ASCC3: variants seen among roughly 807,000 people sequenced by gnomAD.
ASCC3 encodes activating signal cointegrator 1 complex subunit 3, also known as ASC-1 complex subunit P200.
In ASCC3, 158 loss-of-function variants were observed where a neutral mutation model predicts 256.3. The observed-to-expected ratio is 0.62, with a 90% CI of 0.54 to 0.70. ASCC3 has a LOEUF of 0.70. Among genes scored for constraint, ASCC3 ranks in the 30% least tolerant of loss-of-function variants. ASCC3 has a pLI of 0.00. For synonymous variants in ASCC3, 948 were observed against 883.4 expected (o/e 1.07, Z -1.30); for missense variants, 2,259 against 2,626.0 (o/e 0.86, Z 3.05).
chr6:100,662,679 T>A, intron 14 of ASCC3, 143 bp from the exon 15 acceptor site: 1 of 692,148 alleles, frequency 1.4e-6, no homozygotes, highest in Non-Finnish European at 2.4e-6. Flanking sequence ...TATATAATGC[T>A]TTATATAAAA....
chr6:100,875,100 C>T (rs9498414), intron 1 of ASCC3, among the ~76,000 whole-genome samples: 19,083 of 152,046 alleles, frequency 0.13, 2,148 homozygotes, highest in East Asian at 0.46. Flanking sequence ...AAGGTGGGGT[C>T]AAACAGGACA....
intron 7 of ASCC3, 101 bp downstream of exon 7, chr6:100,799,330 A>C: frequency 2.3e-6 from 3 of 1,308,862 alleles, no homozygotes; most frequent in Non-Finnish European, 3.2e-6. Context: ...AATTTAGCAT[A>C]GTCAACTAGT....
chr6:100,815,851 A>G (rs1455482375), intron 4 of ASCC3, among the ~76,000 whole-genome samples: 1 of 152,178 alleles, frequency 6.6e-6, no homozygotes, highest in Admixed American at 6.5e-5. Flanking sequence ...TATTCTGAAC[A>G]TAAGAATGAG....
Position 100,606,608 on chromosome 6 carries a change from T to C in ASCC3, c.5044+132A>G, listed in dbSNP as rs1473938605. The C allele has an allele frequency of 1.6e-5, 16 of 1,006,866 alleles. No individual in the cohort carries two copies. In the East Asian group the frequency reaches 3.8e-4, roughly 24 times the overall value. 62.4% of individuals were successfully genotyped at this position (1,006,866 alleles called of 1,614,324 possible). ...TAACTGAAAACAAAAAGTCTATAAT[T>C]GCTTATCATCTGTTTAAATGTGACC... On this transcript the variant is annotated intron_variant, in intron 32 of 41. Coordinates refer to ENST00000369162, the MANE Select transcript of ASCC3 (RefSeq NM_006828.4).
chr6:100,540,248 G>A lies in ASCC3; in HGVS notation c.5690C>T (p.Ala1897Val). ...PHTKAHLLLQ[A>V]HLSRAMLPCP... The stretch of plus-strand genomic sequence containing the variant: ...GGGTAGCATGGCTCGGCTGAGATGT[G>A]CCTGTAGCAGGAGATGTGCTTTGGT... Residue 1897 changes from alanine to valine, a missense_variant, in exon 37 of 42, where the codon GCA becomes GTA. Ala to Val is a moderately conservative substitution (Grantham distance 64). Around this residue, in one of 2 missense-constraint regions of ASCC3, gnomAD observed 1,839 missense variants for 2,206.7 expected, o/e 0.83. Coordinates refer to ENST00000369162, the MANE Select transcript of ASCC3 (RefSeq NM_006828.4). 1 of 1,614,110 alleles carries A rather than the reference G, an allele frequency of 6.2e-7. No homozygotes were observed. The highest frequency in any genetic ancestry group is 8.5e-7 in the Non-Finnish European group (1 of 1,180,006).
intron 8 of ASCC3, among the ~76,000 whole-genome samples, chr6:100,791,935 C>CA (rs35558576): frequency 6.6e-6 from 1 of 151,418 alleles, no homozygotes; most frequent in Non-Finnish European, 1.5e-5. Flanking sequence ...GAGGAAAAGC[C>CA]AAAAAAATGA....
At chr6:100,841,168 G>A (rs928465874) in intron 4 of ASCC3, among the ~76,000 whole-genome samples, 19 of 152,088 alleles carry the variant, frequency 1.2e-4, no homozygotes, top group Non-Finnish European at 8.8e-5. Flanking sequence ...ACAGAAAAGA[G>A]CGGAACAAAA....
intron 4 of ASCC3, among the ~76,000 whole-genome samples, chr6:100,843,080 G>A (rs1772221272): frequency 6.6e-6 from 1 of 152,020 alleles, no homozygotes; most frequent in Non-Finnish European, 1.5e-5. Context: ...AATATCAATA[G>A]AGTTCAATAA....
In ASCC3 at chr6:100,655,721, C is replaced by T. The variant is rs1775883483; in HGVS notation, c.2801G>A (p.Gly934Asp). 1 of 1,611,028 alleles carries T rather than the reference C, an allele frequency of 6.2e-7. No individual in the cohort carries two copies. Among genetic ancestry groups the T allele is most frequent in the Non-Finnish European group, 8.5e-7 (1 of 1,178,924 alleles). The change falls in exon 17 of 42, where the codon GGC (glycine) becomes GAC (aspartate). Residue 934 changes from glycine to aspartate, a missense_variant. Transcript: ENST00000369162. ...VRMRANPLAY[G>D]ISHKAYQIDP... ...TACCTGATAAGCCTTGTGACTGATG[C>T]CATATGCTAATGGATTTGCTCTCAT...
At chr6:100,631,942 C>A (rs760128981) in intron 25 of ASCC3, among the ~76,000 whole-genome samples, 2 of 151,680 alleles carry the variant, frequency 1.3e-5, no homozygotes, top group Non-Finnish European at 2.9e-5. Context: ...GGAAACACTA[C>A]AAAAGGATGC....
intron 14 of ASCC3, among the ~76,000 whole-genome samples, chr6:100,669,785 G>GTATATTT (rs1386022772): frequency 6.6e-6 from 1 of 151,700 alleles, no homozygotes; most frequent in African/African-American, 2.4e-5. Flanking sequence ...GTAAATAAGA[G>GTATATTT]AATATTGTAT....
chr6:100,715,599 A>T (rs958845275), intron 12 of ASCC3, 66 bp from the exon 13 acceptor site: 14 of 1,419,378 alleles, frequency 9.9e-6, no homozygotes, highest in Non-Finnish European at 1.4e-5. Context: ...CTACAAATAA[A>T]ATTTTGCCAA....
rs772314367 is a variant in ASCC3, at chr6:100,629,127, A to G, written c.4263T>C (p.Ala1421=). ...VTPDMKSIAK[A]DLIVTTPEKW... is the part of the protein sequence containing the mutation. ...TCTCTGGCGTAGTGACGATAAGGTC[A>G]GCCTTGGCAATGGATTTCATATCAG... is the stretch of plus-strand genomic sequence containing the variant. The change falls in exon 27 of 42, where the codon GCT becomes GCC. Residue 1421 remains alanine, a synonymous_variant. Coordinates refer to ENST00000369162, the MANE Select transcript of ASCC3 (RefSeq NM_006828.4). The G allele has an allele frequency of 3.0e-5, 48 of 1,613,726 alleles. No individual in the cohort carries two copies. In the South Asian group the frequency reaches 5.2e-4, roughly 17 times the overall value.
Position 100,813,168 on chromosome 6 carries a change from A to G in ASCC3, c.802-7288T>C, listed in dbSNP as rs111511361. 3.3e-5 allele frequency among the ~76,000 whole-genome samples: 5 copies of G among 152,248 alleles called. 1 individual carries two copies. Among genetic ancestry groups the G allele is most frequent in the African/African-American group, 1.2e-4 (5 of 41,552 alleles). ...CATCCAGGAAGCTTAACAAATTCCA[A>G]GTATGGGCCAGGTGCGGTGGCTCAT... On this transcript the variant is annotated intron_variant, in intron 4 of 41. Coordinates refer to ENST00000369162, the MANE Select transcript of ASCC3 (RefSeq NM_006828.4).
intron 11 of ASCC3, among the ~76,000 whole-genome samples, chr6:100,723,456 C>T (rs1432491966): frequency 6.6e-6 from 1 of 151,526 alleles, no homozygotes; most frequent in East Asian, 1.9e-4. Context: ...GAACTGAGAG[C>T]TTTGTTTGAA....
intron 30 of ASCC3, among the ~76,000 whole-genome samples, chr6:100,622,778 T>G (rs1210960938): frequency 6.6e-6 from 1 of 151,990 alleles, no homozygotes; most frequent in Non-Finnish European, 1.5e-5. Flanking sequence ...TTCTATAGTT[T>G]CTACCTAGCC....
In ASCC3 at chr6:100,715,797, C is replaced by A. The variant is rs549962199; in HGVS notation, c.2080-264G>T. On this transcript the variant is annotated intron_variant, in intron 12 of 41. Coordinates refer to ENST00000369162, the MANE Select transcript of ASCC3 (RefSeq NM_006828.4). ...CCACCAAGTTTTTAAAATACAGTAT[C>A]TTTAAGGATATTCTTGTTAGTTACA... Among the ~76,000 whole-genome samples, 4 of 151,770 alleles carry A rather than the reference C, an allele frequency of 2.6e-5. No individual in the cohort carries two copies. In the East Asian group the frequency reaches 7.7e-4, roughly 29 times the overall value.
rs962204889 is a variant in ASCC3 at position 100,848,177 on chromosome 6, T to C, written c.772A>G (p.Ile258Val). 4 of 1,598,658 alleles carry C rather than the reference T, an allele frequency of 2.5e-6. No homozygotes were observed. In the Admixed American group the frequency reaches 5.3e-5, roughly 21 times the overall value. ...CCTLYDMLAS[I>V]KSGDELQDEL... ...TCCTGAAGTTCATCACCACTTTTAATAGAAGCAAGCATATCATATAAAGTA... is the reference window on the plus strand; with the variant it reads ...TCCTGAAGTTCATCACCACTTTTAACAGAAGCAAGCATATCATATAAAGTA... Residue 258 changes from isoleucine to valine, a missense_variant, in exon 4 of 42, where the codon ATT (isoleucine) becomes GTT (valine). Transcript: ENST00000369162.
rs1420872946 is a variant in ASCC3 at position 100,767,221 on chromosome 6, T to A, written c.1520A>T (p.Asn507Ile). The A allele has an allele frequency of 1.9e-6, 3 of 1,614,178 alleles. No individual in the cohort carries two copies. Among genetic ancestry groups the A allele is most frequent in the Middle Eastern group, 3.3e-4 (2 of 6,062 alleles). Residue 507 changes from asparagine to isoleucine, a missense_variant, in exon 9 of 42, where the codon AAC (asparagine) becomes ATC (isoleucine). Asn to Ile is a moderately radical substitution (Grantham distance 149). Coordinates refer to ENST00000369162, the MANE Select transcript of ASCC3 (RefSeq NM_006828.4). ...ATGCAAGACTGTCAGCATTGCAATG[T>A]TGGTTTTTCCAGCTCCTGTAGGGGC... ...ICAPTGAGKT[N>I]IAMLTVLHEI...
Sources: gnomAD v4.1 joint callset for allele counts (sites outside exome capture counted in the v4.1 genomes callset) on GRCh38, gnomAD v4.1.1 for gene constraint, gnomAD v4.1.1 regional missense constraint, MANE v1.5 for transcripts, NCBI Gene and HGNC (gene_info 2026-07-23, HGNC 2026-07-21) for gene names.